MAGI2: variants seen among roughly 807,000 people sequenced by gnomAD.
MAGI2 encodes the protein membrane-associated guanylate kinase, WW and PDZ domain-containing protein 2.
Under a neutral mutation model 133.3 loss-of-function variants are expected in MAGI2, and 35 were observed. The observed-to-expected ratio is 0.26, with a 90% CI of 0.20 to 0.35. The LOEUF is 0.35. Among genes scored for constraint, MAGI2 ranks in the 10% least tolerant of loss-of-function variants. MAGI2 has a pLI of 1.00. For synonymous variants in MAGI2, 729 were observed against 710.6 expected (o/e 1.03, Z -0.41); for missense variants, 1,636 against 1,863.4 (o/e 0.88, Z 2.25).
intron 2 of MAGI2, among the ~76,000 whole-genome samples, chr7:79,004,784 A>T (rs1442599372): frequency 1.3e-5 from 2 of 152,160 alleles, no homozygotes; most frequent in Admixed American, 6.5e-5. Context: ...AAATTTTTTT[A>T]AAGGTATACT....
At chr7:79,441,514 A>G (rs1314655714) in intron 1 of MAGI2, among the ~76,000 whole-genome samples, 1 of 152,156 alleles carries the variant, frequency 6.6e-6, no homozygotes, top group Non-Finnish European at 1.5e-5. Context: ...AATATATTAA[A>G]TTTATACAGT....
intron 16 of MAGI2, among the ~76,000 whole-genome samples, chr7:78,153,337 C>T (rs998069063): frequency 1.5e-4 from 23 of 152,308 alleles, no homozygotes; most frequent in African/African-American, 4.8e-4. Context: ...TTAAATGTTA[C>T]ATGTGTGCCA....
rs375399414 is a variant in MAGI2 at position 78,824,938 on chromosome 7, C to G, written c.418+182152G>C. Among the ~76,000 whole-genome samples the G allele has an allele frequency of 2.0e-4, 30 of 152,184 alleles. No individual in the cohort carries two copies. In the East Asian group the frequency reaches 2.7e-3, roughly 14 times the overall value. ...GAAGAGACACGGATGAAGGTGAAAGCCATCATTCTCAGCAAACTAACACAG... is the reference window on the plus strand; with the variant it reads ...GAAGAGACACGGATGAAGGTGAAAGGCATCATTCTCAGCAAACTAACACAG... On this transcript the variant is annotated intron_variant, in intron 2 of 21. Coordinates refer to ENST00000354212, the MANE Select transcript of MAGI2 (RefSeq NM_012301.4).
intron 3 of MAGI2, among the ~76,000 whole-genome samples, chr7:78,568,756 A>T (rs1801200187): frequency 6.6e-6 from 1 of 152,158 alleles, no homozygotes; most frequent in Admixed American, 6.5e-5. Context: ...ATAAATGCAT[A>T]CAATCTGTGT....
chr7:78,489,045 T>C (rs1049003969), intron 6 of MAGI2, among the ~76,000 whole-genome samples: 1 of 152,096 alleles, frequency 6.6e-6, no homozygotes, highest in Non-Finnish European at 1.5e-5. Context: ...TTGATCATCT[T>C]AGCTAAACTG....
At chr7:78,644,461 T>C (rs1810634641) in intron 2 of MAGI2, among the ~76,000 whole-genome samples, 1 of 152,286 alleles carries the variant, frequency 6.6e-6, no homozygotes, top group South Asian at 2.1e-4. Context: ...AAAATGATGT[T>C]TTCTGACCAC....
At chr7:79,164,750 A>G (rs1307157962) in intron 1 of MAGI2, among the ~76,000 whole-genome samples, 4 of 152,190 alleles carry the variant, frequency 2.6e-5, no homozygotes, top group Non-Finnish European at 4.4e-5. Context: ...AAACCAATGT[A>G]TTTCTCAAAT....
chr7:78,609,507 T>G (rs554108087), intron 3 of MAGI2, among the ~76,000 whole-genome samples: 1 of 152,156 alleles, frequency 6.6e-6, no homozygotes, highest in African/African-American at 2.4e-5. Flanking sequence ...AATGAAGGTA[T>G]TTTCTTAGTA....
intron 2 of MAGI2, among the ~76,000 whole-genome samples, chr7:78,979,466 C>T (rs1460504868): frequency 6.6e-6 from 1 of 151,828 alleles, no homozygotes; most frequent in African/African-American, 2.4e-5. Flanking sequence ...AGCCAAATAA[C>T]TCTCCTCATC....
At chr7:79,021,763 G>C (rs866619647) in intron 1 of MAGI2, among the ~76,000 whole-genome samples, 15 of 152,298 alleles carry the variant, frequency 9.8e-5, no homozygotes, top group African/African-American at 3.4e-4. Context: ...TTGGGGGACT[G>C]TTGGAAGGGC....
intron 6 of MAGI2, among the ~76,000 whole-genome samples, chr7:78,442,390 A>G (rs965820743): frequency 2.6e-5 from 4 of 152,186 alleles, no homozygotes; most frequent in Non-Finnish European, 5.9e-5. Context: ...AACTACCCAT[A>G]TACACTTCTC....
intron 1 of MAGI2, among the ~76,000 whole-genome samples, chr7:79,381,739 G>A (rs1309301370): frequency 6.6e-6 from 1 of 151,680 alleles, no homozygotes; most frequent in Non-Finnish European, 1.5e-5. Flanking sequence ...ATAATAAGGG[G>A]AAGATTTTGA....
intron 13 of MAGI2, among the ~76,000 whole-genome samples, 168 bp from the exon 14 acceptor site, chr7:78,178,270 G>C (rs575724807): frequency 6.6e-6 from 1 of 152,276 alleles, no homozygotes; most frequent in East Asian, 1.9e-4. Context: ...AAAAAAGTAG[G>C]TGTTCCAAAT....
chr7:78,886,682 A>C (rs1201858116), intron 2 of MAGI2, among the ~76,000 whole-genome samples: 2 of 152,122 alleles, frequency 1.3e-5, no homozygotes, highest in African/African-American at 2.4e-5. Flanking sequence ...GACTTTTATA[A>C]ATTTTTATGT....
chr7:79,251,444 CAA>C (rs56355425), intron 1 of MAGI2, among the ~76,000 whole-genome samples: 69 of 151,772 alleles, frequency 4.5e-4, no homozygotes, highest in African/African-American at 1.5e-3. Flanking sequence ...AGAGATTTCT[CAA>C]AAAAAAAGGG....
chr7:79,213,814 T>C (rs971355706), intron 1 of MAGI2, among the ~76,000 whole-genome samples: 7 of 152,062 alleles, frequency 4.6e-5, no homozygotes, highest in African/African-American at 1.7e-4. Context: ...TGGAGAATTA[T>C]TTTTTGTTTC....
intron 21 of MAGI2, chr7:78,065,492 G>T (rs915532404): frequency 2.2e-5 from 13 of 584,042 alleles, no homozygotes; most frequent in Admixed American, 1.3e-4. Context: ...CTATGAAAGA[G>T]AAAGCATTAT....
chr7:78,913,971 A>C (rs1798602825), intron 2 of MAGI2, among the ~76,000 whole-genome samples: 1 of 152,192 alleles, frequency 6.6e-6, no homozygotes, highest in African/African-American at 2.4e-5. Flanking sequence ...ATGTGTATTC[A>C]AGGTGACATG....
At chr7:78,959,493 G>C (rs1246398637) in intron 2 of MAGI2, among the ~76,000 whole-genome samples, 1 of 151,576 alleles carries the variant, frequency 6.6e-6, no homozygotes, top group Non-Finnish European at 1.5e-5. Context: ...TATCATCTGA[G>C]GCAAAGAGAA....
Sources: gnomAD v4.1 joint callset for allele counts (sites outside exome capture counted in the v4.1 genomes callset) on GRCh38, gnomAD v4.1.1 for gene constraint, MANE v1.5 for transcripts, NCBI Gene and HGNC (gene_info 2026-07-23, HGNC 2026-07-21) for gene names.